NBAS: variants seen among roughly 807,000 people sequenced by gnomAD.
NBAS encodes NAG/BC035112 fusion.
Under a neutral mutation model 302.5 loss-of-function variants are expected in NBAS, and 219 were observed. The observed-to-expected ratio is 0.72, with a 90% CI of 0.65 to 0.81. The LOEUF (loss-of-function observed/expected upper bound fraction) is 0.81, where lower values mean the gene tolerates loss of function less well. NBAS is among the 30% of genes least tolerant of loss of function. The pLI is 0.00. For synonymous variants in NBAS, 1,118 were observed against 1,021.6 expected (o/e 1.09, Z -1.80); for missense variants, 2,932 against 2,841.6 (o/e 1.03, Z -0.72).
intron 40 of NBAS, among the ~76,000 whole-genome samples, chr2:15,298,598 C>T (rs940672687): frequency 2.0e-5 from 3 of 152,144 alleles, no homozygotes; most frequent in South Asian, 4.1e-4. Flanking sequence ...TCTATCTCTT[C>T]CTCAAGAAAT....
chr2:15,153,257 A>T, the NBAS span, among the ~76,000 whole-genome samples: 3 of 152,222 alleles, frequency 2.0e-5, no homozygotes, highest in South Asian at 6.2e-4. Context: ...CTCATCTTAG[A>T]AATGCGCCAT....
intron 35 of NBAS, among the ~76,000 whole-genome samples, chr2:15,342,815 C>T (rs1167235905): frequency 2.0e-5 from 3 of 151,512 alleles, no homozygotes; most frequent in Non-Finnish European, 2.9e-5. Flanking sequence ...TATAGTGTGC[C>T]GGATAATGTC....
chr2:15,134,646 G>C, the NBAS span, among the ~76,000 whole-genome samples: 1 of 152,170 alleles, frequency 6.6e-6, no homozygotes, highest in Non-Finnish European at 1.5e-5. Flanking sequence ...CTTGTTACCT[G>C]TTGGATTCTA....
At chr2:14,822,393 C>T in the NBAS span, among the ~76,000 whole-genome samples, 1 of 152,134 alleles carries the variant, frequency 6.6e-6, no homozygotes, top group African/African-American at 2.4e-5. Context: ...CAAAAGGAAG[C>T]TGAAGATCAC....
chr2:15,525,723 CACTA>C (rs1486343792), intron 9 of NBAS, among the ~76,000 whole-genome samples: 2 of 151,930 alleles, frequency 1.3e-5, no homozygotes, highest in East Asian at 1.9e-4. Context: ...TACCTTCAAA[CACTA>C]ACTAACTTTT....
the NBAS span, among the ~76,000 whole-genome samples, chr2:15,114,738 C>G: frequency 6.6e-6 from 1 of 152,196 alleles, no homozygotes; most frequent in Non-Finnish European, 1.5e-5. Context: ...GCTTCTACCT[C>G]CTGACCAGGG....
chr2:15,147,730 A>T, the NBAS span, among the ~76,000 whole-genome samples: 6 of 152,194 alleles, frequency 3.9e-5, no homozygotes, highest in African/African-American at 1.4e-4. Context: ...GGCTCTAAGG[A>T]CCGCCTTTAC....
intron 9 of NBAS, among the ~76,000 whole-genome samples, 163 bp downstream of exon 9, chr2:15,534,380 A>C (rs1301386315): frequency 1.3e-5 from 2 of 152,248 alleles, no homozygotes. Flanking sequence ...CAGATAGATA[A>C]GCATGAATAA....
At chr2:15,530,494 T>A (rs978683204) in intron 9 of NBAS, among the ~76,000 whole-genome samples, 1 of 152,080 alleles carries the variant, frequency 6.6e-6, no homozygotes, top group Non-Finnish European at 1.5e-5. Flanking sequence ...ATCATATGTA[T>A]CAATAATTTA....
intron 38 of NBAS, among the ~76,000 whole-genome samples, chr2:15,327,168 T>A (rs1175889772): frequency 6.6e-6 from 1 of 152,084 alleles, no homozygotes; most frequent in Non-Finnish European, 1.5e-5. Context: ...ACAAGATAGC[T>A]GAAGTTCCAG....
chr2:15,334,894 C>T (rs577280880), intron 35 of NBAS, among the ~76,000 whole-genome samples: 11 of 152,214 alleles, frequency 7.2e-5, no homozygotes, highest in Non-Finnish European at 7.3e-5. Context: ...TCCTCTTGAG[C>T]TCACTTGCAG....
chr2:15,091,822 C>T, the NBAS span, among the ~76,000 whole-genome samples: 148 of 152,308 alleles, frequency 9.7e-4, 1 homozygote, highest in African/African-American at 3.3e-3. Flanking sequence ...TATGAGCTAC[C>T]GCACCCAGCC....
the NBAS span, among the ~76,000 whole-genome samples, chr2:14,896,316 T>C: frequency 4.6e-4 from 70 of 152,270 alleles, 3 homozygotes; most frequent in East Asian, 0.014. Context: ...CAATGTTCAT[T>C]GTATTCCAAA....
At chr2:15,378,844 T>C (rs79856065) in intron 30 of NBAS, among the ~76,000 whole-genome samples, 2,065 of 152,308 alleles carry the variant, frequency 0.014, 34 homozygotes, top group East Asian at 0.059. Flanking sequence ...TTCTGAAATG[T>C]TGAACAAGGA....
chr2:15,391,770 A>T (rs1490305480), intron 28 of NBAS, among the ~76,000 whole-genome samples: 1 of 152,050 alleles, frequency 6.6e-6, no homozygotes, highest in East Asian at 1.9e-4. Context: ...ATAGCAATTT[A>T]AAAAATATGA....
the NBAS span, among the ~76,000 whole-genome samples, chr2:14,831,090 T>G: frequency 5.3e-5 from 8 of 152,336 alleles, no homozygotes; most frequent in East Asian, 1.5e-3. Context: ...CCTGAAATCA[T>G]GCTTTGTGCC....
rs75527334 is a variant in NBAS at position 15,268,367 on chromosome 2, T to C, written c.5724+7117A>G. ...ACAATGGTTACGGAGGCTCTGAGAG[T>C]GACTAGCCTGAGTTGATGTGTGCTG... On this transcript the variant is annotated intron_variant, in intron 44 of 51. Coordinates refer to ENST00000281513, the MANE Select transcript of NBAS (RefSeq NM_015909.4). Among the ~76,000 whole-genome samples the C allele has an allele frequency of 2.8e-3, 425 of 152,248 alleles. 9 individuals are homozygous for C. In the East Asian group the frequency reaches 0.045, roughly 16 times the overall value.
At chr2:15,080,876 G>A in the NBAS span, among the ~76,000 whole-genome samples, 1 of 152,136 alleles carries the variant, frequency 6.6e-6, no homozygotes, top group Non-Finnish European at 1.5e-5. Context: ...AATTTCTTAG[G>A]AGCCATAACA....
intron 35 of NBAS, among the ~76,000 whole-genome samples, chr2:15,348,893 C>T (rs957091079): frequency 6.6e-6 from 1 of 151,962 alleles, no homozygotes; most frequent in Non-Finnish European, 1.5e-5. Context: ...AGTGCTAAAA[C>T]GGAACAGTGA....
Sources: allele counts gnomAD v4.1 joint callset (sites outside exome capture counted in the v4.1 genomes callset), GRCh38; gene constraint gnomAD v4.1.1; transcripts MANE v1.5; gene names NCBI Gene and HGNC (gene_info 2026-07-23, HGNC 2026-07-21).